Variants in CYS1 observed in about 807,000 individuals in gnomAD.
The protein encoded by CYS1 is cystin-1.
In CYS1, 5 loss-of-function variants were observed where a neutral mutation model predicts 9.6. The ratio of observed to expected loss-of-function variants is 0.52; its 90% CI spans 0.27 to 1.10. The LOEUF is 1.10. Among genes scored for constraint, CYS1 ranks in the 50% least tolerant of loss-of-function variants. CYS1 has a pLI of 0.11. For missense variants in CYS1, 221 were observed against 207.9 expected (o/e 1.06, Z -0.39); for synonymous variants, 88 against 95.7 (o/e 0.92, Z 0.47).
At chr2:10,068,833 G>A (rs181660271) in intron 1 of CYS1, among the ~76,000 whole-genome samples, 175 of 152,236 alleles carry the variant, frequency 1.1e-3, no homozygotes, top group Non-Finnish European at 1.7e-3. Flanking sequence ...AGGCCGAGGC[G>A]GGTGGATCGC....
rs975441519 is a variant in CYS1, at chr2:10,079,949, C to G, written c.275G>C (p.Arg92Pro). ...GGTGGGTCGGAGCCGGGCTGGGCGG[C>G]GCGGGGCGGGCTCCGGGGGGCCCCA... is the stretch of plus-strand genomic sequence containing the variant. ...AAWGPPEPAP[R>P]RPARLRPTAV... is the part of the protein sequence containing the mutation. Residue 92 changes from arginine (R) to proline (P), a missense_variant, in exon 1 of 3, where the codon CGC becomes CCC. Physicochemically the swap from Arg to Pro is moderately radical, Grantham distance 103. Transcript: ENST00000381813. 3.4e-5 allele frequency: 38 copies of G among 1,119,726 alleles called. No homozygotes were observed. The Admixed American group carries it at 4.0e-4, about 12-fold the overall frequency. 69.4% of individuals were successfully genotyped at this position (1,119,726 alleles called of 1,614,324 possible). A position where few individuals can be genotyped will look rare whatever the true frequency, so the allele number is the denominator to read the frequency against.
At chr2:10,067,000 G>A (rs1661706424) in intron 1 of CYS1, among the ~76,000 whole-genome samples, 1 of 152,094 alleles carries the variant, frequency 6.6e-6, no homozygotes, top group African/African-American at 2.4e-5. Context: ...GAGATACCAT[G>A]GATATCTCTT....
intron 1 of CYS1, 49 bp from the exon 2 acceptor site, chr2:10,066,005 G>A: frequency 6.2e-7 from 1 of 1,605,716 alleles, no homozygotes; most frequent in Non-Finnish European, 8.5e-7. Flanking sequence ...CAACAGTGCA[G>A]CCTGCCTAAG....
At position 10,057,640 on chromosome 2, in the gene CYS1, T is replaced by TCCCTTCTGTCTCCTCCTTC. The variant is rs1291296231; in HGVS notation, c.*1194_*1212dup. The TCCCTTCTGTCTCCTCCTTC allele has an allele frequency of 6.6e-6, 1 of 152,476 alleles. No homozygotes were observed. The highest frequency in any genetic ancestry group is 2.4e-5 in the African/African-American group (1 of 41,390). The allele number at this position is 152,476 out of a possible 1,614,324, so 9.4% of individuals were successfully genotyped here. ...CTCCTTCCCCCTCTATCTCCTTCTT[T>TCCCTTCTGTCTCCTCCTTC]CCCTTCTGTCTCCTCCTTCCCCCTC... On this transcript the variant is annotated 3_prime_UTR_variant, in exon 3 of 3. Coordinates refer to ENST00000381813, the MANE Select transcript of CYS1 (RefSeq NM_001037160.3).
chr2:10,079,763 G>C (rs909906812), intron 1 of CYS1, 143 bp downstream of exon 1: 8 of 407,826 alleles, frequency 2.0e-5, no homozygotes, highest in Non-Finnish European at 2.8e-5. Context: ...CCCAGGGGCG[G>C]GGAGGCCGGG....
At chr2:10,068,780 TC>T (rs1661726365) in intron 1 of CYS1, among the ~76,000 whole-genome samples, 1 of 152,042 alleles carries the variant, frequency 6.6e-6, no homozygotes, top group Non-Finnish European at 1.5e-5. Context: ...GAAAGAATAA[TC>T]AAGATGAACC....
intron 1 of CYS1, among the ~76,000 whole-genome samples, chr2:10,072,107 G>C (rs565917539): frequency 6.6e-6 from 1 of 150,964 alleles, no homozygotes; most frequent in South Asian, 2.1e-4. Flanking sequence ...TTTTGAGACA[G>C]AGTTTCGCTC....
At chr2:10,070,673 C>T (rs1661755330) in intron 1 of CYS1, among the ~76,000 whole-genome samples, 1 of 151,916 alleles carries the variant, frequency 6.6e-6, no homozygotes, top group Non-Finnish European at 1.5e-5. Context: ...GAGACAGGGT[C>T]TTGTTCTGTT....
Position 10,057,135 on chromosome 2 carries a change from T to C in CYS1, c.*1718A>G, listed in dbSNP as rs1295744282. The C allele has an allele frequency of 1.3e-5, 2 of 152,236 alleles. No individual in the cohort carries two copies. The highest frequency in any genetic ancestry group is 4.8e-5 in the African/African-American group (2 of 41,470). The allele number at this position is 152,236 out of a possible 1,614,324, so 9.4% of individuals were successfully genotyped here. Reference sequence around the variant, plus strand: ...ACAAAATGACATAAAATTACAAACATTTACATGTTTAAATTCAAAGCCTGA... The same window carrying C: ...ACAAAATGACATAAAATTACAAACACTTACATGTTTAAATTCAAAGCCTGA... On this transcript the variant is annotated 3_prime_UTR_variant, in exon 3 of 3. Coordinates refer to ENST00000381813, the MANE Select transcript of CYS1 (RefSeq NM_001037160.3).
At chr2:10,060,581 G>T (rs530781601) in intron 2 of CYS1, among the ~76,000 whole-genome samples, 1 of 152,236 alleles carries the variant, frequency 6.6e-6, no homozygotes, top group Non-Finnish European at 1.5e-5. Flanking sequence ...AGCACTGCCC[G>T]CGGCCAGTGC....
At chr2:10,069,353 T>G (rs573443562) in intron 1 of CYS1, among the ~76,000 whole-genome samples, 1 of 152,224 alleles carries the variant, frequency 6.6e-6, no homozygotes, top group East Asian at 1.9e-4. Flanking sequence ...GAAAAAAAAT[T>G]AATTATTTTT....
intron 1 of CYS1, among the ~76,000 whole-genome samples, chr2:10,073,367 C>G (rs1661800801): frequency 6.6e-6 from 1 of 152,152 alleles, no homozygotes; most frequent in South Asian, 2.1e-4. Flanking sequence ...CTTGTCCGTG[C>G]TAACAGGGTG....
chr2:10,069,811 A>G (rs1182549233), intron 1 of CYS1, among the ~76,000 whole-genome samples: 3 of 152,264 alleles, frequency 2.0e-5, no homozygotes, highest in Non-Finnish European at 4.4e-5. Flanking sequence ...TTCCCATGAC[A>G]TAAATTGAGC....
At chr2:10,073,113 A>C (rs1048404768) in intron 1 of CYS1, among the ~76,000 whole-genome samples, 1 of 147,050 alleles carries the variant, frequency 6.8e-6, no homozygotes, top group Non-Finnish European at 1.5e-5. Context: ...AGTGGTGCAG[A>C]TGGGCTCTGG....
At position 10,080,320 on chromosome 2, in the gene CYS1, G is replaced by C; in HGVS notation, c.-97C>G. On this transcript the variant is annotated 5_prime_UTR_variant, in exon 1 of 3. Coordinates refer to ENST00000381813, the MANE Select transcript of CYS1 (RefSeq NM_001037160.3). This position sits in a 1 kb window ranked among gnomAD's most constrained non-coding sequence, Gnocchi z 6.4. ...GGGGGTGCGGCCGGGGCGGGCTGCA[G>C]GGGGAGGCGCGGGGCGAGGTCCGGG... 1 of 763,752 alleles carries C rather than the reference G, an allele frequency of 1.3e-6. No individual in the cohort carries two copies. 47.3% of individuals were successfully genotyped at this position (763,752 alleles called of 1,614,324 possible).
In CYS1 at chr2:10,058,805, C is replaced by A. The variant is rs868468223; in HGVS notation, c.*48G>T. 2.7e-5 allele frequency: 40 copies of A among 1,485,810 alleles called. No individual in the cohort carries two copies. The Middle Eastern group carries it at 1.2e-3, about 43-fold the overall frequency. 92.0% of individuals were successfully genotyped at this position (1,485,810 alleles called of 1,614,324 possible). On this transcript the variant is annotated 3_prime_UTR_variant, in exon 3 of 3. Transcript: ENST00000381813. ...AGCTCTGTGCAAGCAGAGGGTGCCC[C>A]AGCCAGCAGGTGCCTCCGAGGCCTG...
chr2:10,071,091 G>A (rs1402275273), intron 1 of CYS1, among the ~76,000 whole-genome samples: 1 of 152,108 alleles, frequency 6.6e-6, no homozygotes, highest in East Asian at 1.9e-4. Flanking sequence ...TCAGCCTCCC[G>A]AGTAGCTGGG....
Position 10,080,255 on chromosome 2 carries a change from G to T in CYS1, c.-32C>A. On this transcript the variant is annotated 5_prime_UTR_variant, in exon 1 of 3. Coordinates refer to ENST00000381813, the MANE Select transcript of CYS1 (RefSeq NM_001037160.3). The surrounding 1 kb of genome is among the most constrained non-coding windows in gnomAD (Gnocchi z 6.4). ...CCCGCCGCCTCCCGGACCGCCGAGG[G>T]GGCCCCCATGAGGGGGCGCGGCCGG... is the stretch of plus-strand genomic sequence containing the variant. The T allele has an allele frequency of 1.9e-6, 2 of 1,036,336 alleles. No individual in the cohort carries two copies. The highest frequency in any genetic ancestry group is 4.4e-5 in the South Asian group (1 of 22,794). 64.2% of individuals were successfully genotyped at this position (1,036,336 alleles called of 1,614,324 possible). A position where few individuals can be genotyped will look rare whatever the true frequency, so the allele number is the denominator to read the frequency against.
chr2:10,072,140 A>G (rs1234981119), intron 1 of CYS1, among the ~76,000 whole-genome samples: 1 of 151,770 alleles, frequency 6.6e-6, no homozygotes, highest in Non-Finnish European at 1.5e-5. Context: ...CTGGAGTGCA[A>G]TGGTGGGATC....
Sources: gnomAD v4.1 joint callset for allele counts (sites outside exome capture counted in the v4.1 genomes callset) on GRCh38, gnomAD v4.1.1 for gene constraint, Gnocchi (gnomAD v3.1) non-coding constraint, MANE v1.5 for transcripts, NCBI Gene and HGNC (gene_info 2026-07-23, HGNC 2026-07-21) for gene names.